The following PTPRN2 variants were observed in gnomAD, a reference collection of about 807,000 sequenced individuals.
PTPRN2 encodes protein tyrosine phosphatase receptor type N2.
PTPRN2 carries 74 observed loss-of-function variants against 118.8 expected under a neutral mutation model. The ratio of observed to expected loss-of-function variants is 0.62; its 90% CI spans 0.52 to 0.76. The LOEUF (loss-of-function observed/expected upper bound fraction) is 0.76, where lower values mean the gene tolerates loss of function less well. Ranked by LOEUF, PTPRN2 falls within the 30% of genes least tolerant of loss-of-function variation. The pLI, the probability that PTPRN2 is intolerant of heterozygous loss-of-function variation, is 0.00. For synonymous variants in PTPRN2, 641 were observed against 608.0 expected, an observed-to-expected ratio of 1.05 and a Z score of -0.80; for missense variants, 1,481 against 1,394.4, an observed-to-expected ratio of 1.06 and a Z score of -0.99.
In PTPRN2 at chr7:158,229,707, A is replaced by T. The variant is rs1329843500; in HGVS notation, c.278-24434T>A. The stretch of plus-strand genomic sequence containing the variant: ...ACACAATCAGGGATGGAAAAAGAAC[A>T]AAGAATGAAGAGGGATGAAGACCAC... On this transcript the variant is annotated intron_variant, in intron 3 of 22. Coordinates refer to ENST00000389418, the MANE Select transcript of PTPRN2 (RefSeq NM_002847.5). 2.6e-5 allele frequency among the ~76,000 whole-genome samples: 4 copies of T among 152,030 alleles called. No homozygotes were observed. The East Asian group carries it at 5.8e-4, about 22-fold the overall frequency.
In PTPRN2 at chr7:157,550,623, G is replaced by C. The variant is rs983112458; in HGVS notation, c.2903-1604C>G. Among the ~76,000 whole-genome samples the C allele has an allele frequency of 6.6e-6, 1 of 152,172 alleles. No homozygotes were observed. The highest frequency in any genetic ancestry group is 1.9e-4 in the East Asian group (1 of 5,174). On this transcript the variant is annotated intron_variant, in intron 21 of 22. Transcript: ENST00000389418. This position sits in a 1 kb window ranked among gnomAD's most constrained non-coding sequence, Gnocchi z 5.2. ...GCTCGTGGTGATGGGAGCCACTGTC[G>C]GGGCTAAGCTGGCCGTCCCTCCAGC... is the stretch of plus-strand genomic sequence containing the variant.
At chr7:158,271,823 T>A (rs112564624) in intron 3 of PTPRN2, among the ~76,000 whole-genome samples, 1 of 152,114 alleles carries the variant, frequency 6.6e-6, no homozygotes, top group African/African-American at 2.4e-5. Flanking sequence ...AGAAGCGCAT[T>A]AGCCCATCCG....
At chr7:157,822,024 C>G (rs1806872440) in intron 12 of PTPRN2, among the ~76,000 whole-genome samples, 1 of 151,516 alleles carries the variant, frequency 6.6e-6, no homozygotes, top group Non-Finnish European at 1.5e-5. Flanking sequence ...ATCCCTCCCT[C>G]TATCTATACA....
intron 2 of PTPRN2, among the ~76,000 whole-genome samples, chr7:158,441,414 G>GATCA (rs1817175958): frequency 4.7e-5 from 7 of 147,860 alleles, no homozygotes; most frequent in African/African-American, 1.6e-4. Context: ...TGGTAGTGGT[G>GATCA]GTGATGGTGA....
At chr7:158,120,008 T>C (rs1445567111) in intron 9 of PTPRN2, among the ~76,000 whole-genome samples, 1 of 152,118 alleles carries the variant, frequency 6.6e-6, no homozygotes, top group Admixed American at 6.5e-5. Flanking sequence ...AAAAGTAGAA[T>C]ATTATTTAGC....
chr7:157,592,495 G>A (rs1432937010), intron 17 of PTPRN2, among the ~76,000 whole-genome samples: 2 of 144,968 alleles, frequency 1.4e-5, no homozygotes, highest in Non-Finnish European at 3.0e-5. Flanking sequence ...CCTGCTGAAC[G>A]GAGGTTGGAT....
At chr7:158,469,122 T>TGGATCAACAGAATGCACACCCACGCA (rs1301344649) in intron 2 of PTPRN2, among the ~76,000 whole-genome samples, 24 of 151,642 alleles carry the variant, frequency 1.6e-4, no homozygotes, top group South Asian at 4.2e-4. Flanking sequence ...ATCAACAGTG[T>TGGATCAACAGAATGCACACCCACGCA]CAGGCTTTCA....
At chr7:157,918,559 A>G (rs780783996) in intron 11 of PTPRN2, among the ~76,000 whole-genome samples, 1 of 152,194 alleles carries the variant, frequency 6.6e-6, no homozygotes, top group African/African-American at 2.4e-5. Context: ...CAAGCAACAT[A>G]TCGAAAACAA....
intron 2 of PTPRN2, among the ~76,000 whole-genome samples, chr7:158,395,320 G>GAGGCGCGAGGGGCCAGGGGCC (rs1812292292): frequency 1.7e-5 from 2 of 116,222 alleles, no homozygotes; most frequent in African/African-American, 3.5e-5. Context: ...GGTGAGGGGC[G>GAGGCGCGAGGGGCCAGGGGCC]AGGGGCGAGG....
At chr7:158,294,125 A>G (rs1002255689) in intron 3 of PTPRN2, among the ~76,000 whole-genome samples, 1 of 152,228 alleles carries the variant, frequency 6.6e-6, no homozygotes, top group African/African-American at 2.4e-5. Context: ...AATTCACTGC[A>G]CTGTGACATC....
At chr7:157,873,148 C>T (rs924048155) in intron 12 of PTPRN2, among the ~76,000 whole-genome samples, 2 of 152,226 alleles carry the variant, frequency 1.3e-5, no homozygotes, top group African/African-American at 4.8e-5. Flanking sequence ...TCCCTCTGAC[C>T]GGGCCTCTTG....
intron 11 of PTPRN2, among the ~76,000 whole-genome samples, chr7:158,021,960 G>C (rs1806908222): frequency 6.6e-6 from 1 of 152,172 alleles, no homozygotes; most frequent in Non-Finnish European, 1.5e-5. Flanking sequence ...CCTGTGGAGA[G>C]GCAGAGAAAT....
chr7:157,833,877 C>G (rs1489526551), intron 12 of PTPRN2, among the ~76,000 whole-genome samples: 1 of 152,224 alleles, frequency 6.6e-6, no homozygotes, highest in African/African-American at 2.4e-5. Flanking sequence ...TCGAATCGGA[C>G]AGGACGTGGG....
chr7:158,207,772 C>T (rs1827271906), intron 3 of PTPRN2, among the ~76,000 whole-genome samples: 1 of 152,074 alleles, frequency 6.6e-6, no homozygotes. Context: ...AAAACATGAC[C>T]TCACCAAACG....
At chr7:157,548,806 G>C in intron 22 of PTPRN2, 140 bp downstream of exon 22, 1 of 848,730 alleles carries the variant, frequency 1.2e-6, no homozygotes, top group East Asian at 2.6e-5. Context: ...TGCAAGGCCG[G>C]CATGGACGAG....
intron 2 of PTPRN2, among the ~76,000 whole-genome samples, chr7:158,342,914 G>A (rs1389020789): frequency 6.6e-6 from 1 of 152,096 alleles, no homozygotes; most frequent in Non-Finnish European, 1.5e-5. Context: ...GGCTTCAAAA[G>A]CGAAGGAGAA....
intron 16 of PTPRN2, among the ~76,000 whole-genome samples, chr7:157,599,157 G>A (rs1801518478): frequency 6.6e-6 from 1 of 152,042 alleles, no homozygotes; most frequent in African/African-American, 2.4e-5. Flanking sequence ...TTACAGGCGT[G>A]TGCCACCACA....
intron 3 of PTPRN2, among the ~76,000 whole-genome samples, chr7:158,249,170 A>G (rs1796486898): frequency 6.6e-6 from 1 of 152,070 alleles, no homozygotes; most frequent in East Asian, 1.9e-4. Flanking sequence ...ACACACGTGC[A>G]CACAGCACAC....
chr7:158,348,114 C>T (rs1807652926), intron 2 of PTPRN2, among the ~76,000 whole-genome samples: 2 of 152,142 alleles, frequency 1.3e-5, no homozygotes, highest in Non-Finnish European at 2.9e-5. Flanking sequence ...GGAAGATTCT[C>T]TCTTTTCATG....
Sources: allele counts gnomAD v4.1 joint callset (sites outside exome capture counted in the v4.1 genomes callset), GRCh38; gene constraint gnomAD v4.1.1; non-coding constraint Gnocchi (gnomAD v3.1); transcripts MANE v1.5; gene names NCBI Gene and HGNC (gene_info 2026-07-23, HGNC 2026-07-21).